The following POGLUT2 variants were observed in gnomAD, a reference collection of about 807,000 sequenced individuals.
The protein encoded by POGLUT2 is protein O-glucosyltransferase 2.
A neutral mutation model predicts 57.6 loss-of-function variants in POGLUT2; 47 were observed. The ratio of observed to expected loss-of-function variants is 0.82; its 90% CI spans 0.65 to 1.04. The LOEUF (loss-of-function observed/expected upper bound fraction) is 1.04, where lower values mean the gene tolerates loss of function less well. Ranked by LOEUF, POGLUT2 falls within the 50% of genes least tolerant of loss-of-function variation. The pLI, the probability that POGLUT2 is intolerant of heterozygous loss-of-function variation, is 0.00. For synonymous variants in POGLUT2, 200 were observed against 218.8 expected (o/e 0.91, Z 0.76); for missense variants, 565 against 614.8 (o/e 0.92, Z 0.86).
chr13:102,787,798 A>C, intron 8 of POGLUT2, 36 bp downstream of exon 8: 4 of 1,173,086 alleles, frequency 3.4e-6, no homozygotes, highest in Non-Finnish European at 4.9e-6. Flanking sequence ...ATGTCTACTT[A>C]TAAGTTACGT....
intron 2 of POGLUT2, among the ~76,000 whole-genome samples, chr13:102,795,142 T>C (rs1403612970): frequency 1.3e-5 from 2 of 150,854 alleles, no homozygotes; most frequent in East Asian, 1.9e-4. Flanking sequence ...GTCTCAGCTA[T>C]TTGGGTGGCT....
rs755973923 is a variant in POGLUT2 at position 102,789,079 on chromosome 13, A to AG, written c.1225_1226insC (p.Ile409ThrfsTer4). ...ATCGCTCAGGTTGCTCTTAACTGGA[A>AG]TGTAGTGTTTCCAGGGCTGCAGCTC... On this transcript the variant is annotated frameshift_variant, in exon 7 of 10. Transcript: ENST00000376004. LOFTEE classifies it high-confidence loss of function. 2.5e-6 allele frequency: 4 copies of AG among 1,614,196 alleles called. No individual in the cohort carries two copies. Among genetic ancestry groups the AG allele is most frequent in the Non-Finnish European group, 3.4e-6 (4 of 1,180,036 alleles).
In POGLUT2 at chr13:102,793,699, G is replaced by C. The variant is rs769105582; in HGVS notation, c.496C>G (p.His166Asp). 34 of 1,614,112 alleles carry C rather than the reference G, an allele frequency of 2.1e-5. No homozygotes were observed. In the East Asian group the frequency reaches 6.9e-4, roughly 33 times the overall value. The change falls in exon 3 of 10, where the codon CAT (histidine) becomes GAT (aspartate). Residue 166 changes from histidine to aspartate, a missense_variant. By Grantham distance (81) the His-to-Asp change is moderately conservative. Coordinates refer to ENST00000376004, the MANE Select transcript of POGLUT2 (RefSeq NM_024089.3). ...TTTTCTGGATCCACAGCAGGGAAAT[G>C]TGCCAGATCTCTCTGAATCTGAGCA... The part of the protein sequence containing the change: ...TIAQIQRDLA[H>D]FPAVDPEKIA...
rs770896643 is a variant in POGLUT2, at chr13:102,786,263, T to A, written c.1460A>T (p.Asp487Val). The A allele has an allele frequency of 6.2e-7, 1 of 1,613,654 alleles. No individual in the cohort carries two copies. The highest frequency in any genetic ancestry group is 8.5e-7 in the Non-Finnish European group (1 of 1,179,572). Residue 487 changes from aspartate (D) to valine (V), a missense_variant, in exon 9 of 10, where the codon GAC (aspartate) becomes GTC (valine). Transcript: ENST00000376004. ...MKRVEPQTED[D>V]LFPCTCHRKK... The stretch of plus-strand genomic sequence containing the variant: ...CCTATGGCAAGTACAAGGGAAGAGG[T>A]CGTCCTCAGTCTGTGGTTCTACCCT...
Position 102,798,695 on chromosome 13 carries a change from T to G in POGLUT2, c.-25A>C. 1 of 1,563,812 alleles carries G rather than the reference T, an allele frequency of 6.4e-7. No individual in the cohort carries two copies. Among genetic ancestry groups the G allele is most frequent in the Non-Finnish European group, 8.7e-7 (1 of 1,152,430 alleles). ...TTTACAAGACGGACTCTCGAAATGATCCACCGATAAATGAAGAAGTGTAAG... is the reference window on the plus strand; with the variant it reads ...TTTACAAGACGGACTCTCGAAATGAGCCACCGATAAATGAAGAAGTGTAAG... On this transcript the variant is annotated 5_prime_UTR_variant, in exon 1 of 10. Transcript: ENST00000376004.
chr13:102,796,943 A>G lies in POGLUT2; in HGVS notation c.249T>C (p.Thr83=). 6.2e-7 allele frequency: 1 copy of G among 1,613,742 alleles called. No individual in the cohort carries two copies. The highest frequency in any genetic ancestry group is 1.1e-5 in the South Asian group (1 of 91,074). Residue 83 remains threonine (T), a synonymous_variant, in exon 2 of 10, where the codon ACT becomes ACC. Coordinates refer to ENST00000376004, the MANE Select transcript of POGLUT2 (RefSeq NM_024089.3). The stretch of plus-strand genomic sequence containing the variant: ...GGTCTAAAACCTGGACTCCAACTCT[A>G]GTGAATTGCTCCTCTGGTGCTGAGA... ...VKVSAPEEQF[T]RVGVQVLDRK... is the part of the protein sequence containing the mutation.
chr13:102,791,236 C>T lies in POGLUT2; in HGVS notation c.845+22G>A, dbSNP rs561010980. On this transcript the variant is annotated intron_variant, in intron 5 of 9. Transcript: ENST00000376004. ...AAAGAAAGAAAACCAAGGCTCTGGG[C>T]CAACCCTGACTTATCTCTCACCGGC... The T allele has an allele frequency of 3.9e-5, 62 of 1,602,544 alleles. No homozygotes were observed. In the South Asian group the frequency reaches 6.8e-4, roughly 18 times the overall value.
Position 102,789,224 on chromosome 13 carries a change from G to A in POGLUT2, c.1084-3C>T. ...TCGATATTTATTTGATACTTATGCT[G>A]CAAAACAATGGTAAAGTCTAAGAAC... is the stretch of plus-strand genomic sequence containing the variant. On this transcript the variant is annotated splice_region_variant and splice_polypyrimidine_tract_variant and intron_variant, in intron 6 of 9. Coordinates refer to ENST00000376004, the MANE Select transcript of POGLUT2 (RefSeq NM_024089.3). 3.7e-6 allele frequency: 6 copies of A among 1,610,966 alleles called. No individual in the cohort carries two copies. The South Asian group carries it at 4.4e-5, about 12-fold the overall frequency.
At chr13:102,790,843 G>T in intron 6 of POGLUT2, 58 bp downstream of exon 6, 2 of 1,153,316 alleles carry the variant, frequency 1.7e-6, no homozygotes, top group Non-Finnish European at 2.6e-6. Flanking sequence ...CCTTCCCAAA[G>T]CACTATGTAC....
At chr13:102,796,305 AAAAAAAATAAAT>A (rs1428106268) in intron 2 of POGLUT2, among the ~76,000 whole-genome samples, 4 of 116,856 alleles carry the variant, frequency 3.4e-5, no homozygotes, top group African/African-American at 1.0e-4. Flanking sequence ...AAAAAAAAAA[AAAAAAAATAAAT>A]AAATAAATAA....
chr13:102,797,125 T>A, intron 1 of POGLUT2, 116 bp from the exon 2 acceptor site: 1 of 659,388 alleles, frequency 1.5e-6, no homozygotes, highest in East Asian at 2.6e-5. Context: ...CTCTAACATA[T>A]GATTGCTTCT....
At chr13:102,786,394 A>C in intron 8 of POGLUT2, 55 bp from the exon 9 acceptor site, 5 of 1,068,650 alleles carry the variant, frequency 4.7e-6, no homozygotes, top group Non-Finnish European at 7.3e-6. Flanking sequence ...TATCCACCCA[A>C]TGAGAGAGGC....
At chr13:102,787,812 G>A (rs1486994517) in intron 8 of POGLUT2, 22 bp downstream of exon 8, 1 of 1,354,446 alleles carries the variant, frequency 7.4e-7, no homozygotes. Context: ...GTTACGTGAT[G>A]ATTTTCTTGG....
rs143926182 is a variant in POGLUT2, at chr13:102,786,302, C to A, written c.1421G>T (p.Arg474Leu). Residue 474 changes from arginine (R) to leucine (L), a missense_variant, in exon 9 of 10, where the codon CGA becomes CTA. Arg to Leu is a moderately radical substitution (Grantham distance 102). Transcript: ENST00000376004. The part of the protein sequence containing the change: ...ANLQVSEPQI[R>L]EGMKRVEPQT... ...TGGTTCTACCCTTTTCATGCCCTCT[C>A]GGATTTGGGGCTCACTCACTTGTAA... 5 of 1,613,860 alleles carry A rather than the reference C, an allele frequency of 3.1e-6. No homozygotes were observed. The highest frequency in any genetic ancestry group is 4.2e-6 in the Non-Finnish European group (5 of 1,179,772).
At chr13:102,784,612 G>T in intron 9 of POGLUT2, 100 bp from the exon 10 acceptor site, 1 of 746,064 alleles carries the variant, frequency 1.3e-6, no homozygotes. Context: ...ATGAGAGGGA[G>T]CCAAGCTGCT....
chr13:102,793,893 T>G, intron 2 of POGLUT2, 87 bp from the exon 3 acceptor site: 1 of 1,196,166 alleles, frequency 8.4e-7, no homozygotes, highest in Non-Finnish European at 1.2e-6. Context: ...TGTGGCTTCA[T>G]GAATTTTGCT....
chr13:102,794,571 A>G (rs1878302899), intron 2 of POGLUT2, among the ~76,000 whole-genome samples: 1 of 152,148 alleles, frequency 6.6e-6, no homozygotes, highest in Admixed American at 6.5e-5. Context: ...AGGCTGAGGC[A>G]TGACAATAGC....
intron 7 of POGLUT2, among the ~76,000 whole-genome samples, chr13:102,788,736 T>G (rs1215849804): frequency 1.3e-5 from 2 of 152,238 alleles, no homozygotes; most frequent in Non-Finnish European, 2.9e-5. Context: ...TCTGCCTGCC[T>G]CAGCCTTCCA....
chr13:102,791,772 T>C (rs9514056), intron 4 of POGLUT2, among the ~76,000 whole-genome samples: 8,893 of 152,208 alleles, frequency 0.058, 309 homozygotes, highest in Non-Finnish European at 0.08. Flanking sequence ...AGCCAGATGG[T>C]TCCATTTTAA....
Sources: gnomAD v4.1 joint callset for allele counts (sites outside exome capture counted in the v4.1 genomes callset) on GRCh38, gnomAD v4.1.1 for gene constraint, MANE v1.5 for transcripts, NCBI Gene and HGNC (gene_info 2026-07-23, HGNC 2026-07-21) for gene names.